EXTL3: variants seen among roughly 807,000 people sequenced by gnomAD.
EXTL3 encodes exostosin like glycosyltransferase 3, also known as exostosin-like 3.
A neutral mutation model predicts 69.3 loss-of-function variants in EXTL3; 27 were observed. The ratio of observed to expected loss-of-function variants is 0.39; its 90% CI spans 0.29 to 0.54. EXTL3 has a LOEUF of 0.54. Among genes scored for constraint, EXTL3 ranks in the 20% least tolerant of loss-of-function variants. EXTL3 has a pLI of 0.69. For synonymous variants in EXTL3, 511 were observed against 499.4 expected (o/e 1.02, Z -0.31); for missense variants, 1,003 against 1,231.8 (o/e 0.81, Z 2.78).
At chr8:28,732,225 G>T (rs1308543710) in intron 4 of EXTL3, among the ~76,000 whole-genome samples, 1 of 152,138 alleles carries the variant, frequency 6.6e-6, no homozygotes, top group Non-Finnish European at 1.5e-5. Flanking sequence ...GCTACTCCAG[G>T]TATCTCAGGG....
intron 4 of EXTL3, among the ~76,000 whole-genome samples, chr8:28,736,557 CT>C (rs1351740081): frequency 6.6e-6 from 1 of 152,118 alleles, no homozygotes; most frequent in Non-Finnish European, 1.5e-5. Context: ...TTAATGAAAC[CT>C]TTCAGTTGTA....
intron 1 of EXTL3, among the ~76,000 whole-genome samples, chr8:28,708,521 A>C (rs770924152): frequency 1.8e-4 from 28 of 151,904 alleles, no homozygotes; most frequent in Admixed American, 3.3e-4. Context: ...GACTTCACGA[A>C]CTAGGTACTG....
chr8:28,715,972 A>T lies in EXTL3; in HGVS notation c.-88A>T. ...ACACTAACTCTTCTGGAAACGTGTC[A>T]GTGAAACAGAGATCGTTTTGTGGAA... On this transcript the variant is annotated 5_prime_UTR_variant, in exon 3 of 7. Transcript: ENST00000220562. 2 of 1,068,450 alleles carry T rather than the reference A, an allele frequency of 1.9e-6. No homozygotes were observed. The highest frequency in any genetic ancestry group is 2.8e-6 in the Non-Finnish European group (2 of 723,578). The allele number at this position is 1,068,450 out of a possible 1,614,324, so 66.2% of individuals were successfully genotyped here.
intron 2 of EXTL3, among the ~76,000 whole-genome samples, chr8:28,714,276 C>T (rs563526437): frequency 3.9e-5 from 6 of 151,952 alleles, no homozygotes; most frequent in South Asian, 4.2e-4. Flanking sequence ...TCCAATGTTA[C>T]GATGAAATAA....
chr8:28,717,972 C>T lies in EXTL3; in HGVS notation c.1913C>T (p.Pro638Leu). 1 of 1,614,146 alleles carries T rather than the reference C, an allele frequency of 6.2e-7. No homozygotes were observed. Among genetic ancestry groups the T allele is most frequent in the Non-Finnish European group, 8.5e-7 (1 of 1,180,026 alleles). The change falls in exon 3 of 7, where the codon CCT becomes CTT. Residue 638 changes from proline to leucine, a missense_variant. Pro to Leu is a moderately conservative substitution (Grantham distance 98). This residue lies in a region of EXTL3 where 261 missense variants were observed against 416.4 expected (regional missense o/e 0.63). Coordinates refer to ENST00000220562, the MANE Select transcript of EXTL3 (RefSeq NM_001440.4). The surrounding 1 kb of genome is among the most constrained non-coding windows in gnomAD (Gnocchi z 8.3). ...KFLGSGTGFR[P>L]IGGGAGGSGK... The stretch of plus-strand genomic sequence containing the variant: ...TTGGGCTCAGGGACTGGCTTTCGGC[C>T]TATTGGTGGTGGAGCTGGGGGTTCT...
intron 1 of EXTL3, among the ~76,000 whole-genome samples, chr8:28,685,403 C>G (rs1807560749): frequency 6.6e-6 from 1 of 151,800 alleles, no homozygotes; most frequent in Non-Finnish European, 1.5e-5. Flanking sequence ...CCTTCCTCCC[C>G]CCTCCCCTTC....
intron 1 of EXTL3, among the ~76,000 whole-genome samples, chr8:28,685,581 G>A (rs953858993): frequency 3.3e-5 from 5 of 152,002 alleles, no homozygotes; most frequent in African/African-American, 7.2e-5. Context: ...TCCTGCCTCC[G>A]CTTCCTAAAG....
At chr8:28,632,053 G>A (rs934220766) in intron 1 of EXTL3, among the ~76,000 whole-genome samples, 2 of 150,882 alleles carry the variant, frequency 1.3e-5, no homozygotes, top group Admixed American at 6.6e-5. Flanking sequence ...GAGCCACTGC[G>A]CTGCACTCCG....
chr8:28,708,314 G>A (rs1245205745), intron 1 of EXTL3, among the ~76,000 whole-genome samples: 4 of 152,176 alleles, frequency 2.6e-5, no homozygotes, highest in South Asian at 4.1e-4. Context: ...AAACCACTGT[G>A]GTCGTTGGAT....
At chr8:28,661,070 C>T (rs147477854) in intron 1 of EXTL3, among the ~76,000 whole-genome samples, 3,951 of 151,556 alleles carry the variant, frequency 0.026, 127 homozygotes, top group African/African-American at 0.074. Context: ...CCTGCCACCA[C>T]GCCAGGCTAA....
chr8:28,681,128 C>T (rs1387176964), intron 1 of EXTL3, among the ~76,000 whole-genome samples: 1 of 151,940 alleles, frequency 6.6e-6, no homozygotes, highest in East Asian at 1.9e-4. Context: ...CCCACCTCGG[C>T]CTCCCACAGT....
At chr8:28,655,881 C>A (rs1807002135) in intron 1 of EXTL3, among the ~76,000 whole-genome samples, 1 of 152,118 alleles carries the variant, frequency 6.6e-6, no homozygotes, top group Non-Finnish European at 1.5e-5. Context: ...TCAACCTGGT[C>A]ATGATGGCGG....
intron 1 of EXTL3, among the ~76,000 whole-genome samples, chr8:28,703,206 C>T (rs568659515): frequency 2.4e-4 from 37 of 152,218 alleles, no homozygotes; most frequent in Admixed American, 9.2e-4. Flanking sequence ...TTCAGACTTC[C>T]GGAAACGTGC....
At chr8:28,619,204 G>C (rs1301748077), upstream of EXTL3, among the ~76,000 whole-genome samples, 1 of 129,270 alleles carries the variant, frequency 7.7e-6, no homozygotes, top group African/African-American at 2.8e-5. Flanking sequence ...CCTTCTCAAG[G>C]CCCACCTGGA....
intron 1 of EXTL3, among the ~76,000 whole-genome samples, chr8:28,679,600 G>A (rs766138141): frequency 4.6e-5 from 7 of 152,020 alleles, no homozygotes; most frequent in East Asian, 3.9e-4. Flanking sequence ...GCTAGGTGTC[G>A]TGAGGCACTC....
At chr8:28,683,371 T>G (rs1243838674) in intron 1 of EXTL3, among the ~76,000 whole-genome samples, 1 of 152,200 alleles carries the variant, frequency 6.6e-6, no homozygotes, top group Non-Finnish European at 1.5e-5. Flanking sequence ...AATTTTTCCA[T>G]TCAATGAACA....
chr8:28,612,870 C>T (rs1806289573), intron 2 of EXTL3, among the ~76,000 whole-genome samples: 1 of 152,140 alleles, frequency 6.6e-6, no homozygotes, highest in Non-Finnish European at 1.5e-5. Context: ...AGTCACACAC[C>T]ACCATGCCTG....
chr8:28,609,386 T>C (rs185283596), intron 2 of EXTL3, among the ~76,000 whole-genome samples: 7 of 150,556 alleles, frequency 4.6e-5, no homozygotes, highest in African/African-American at 2.4e-5. Flanking sequence ...AAGTGGAGAG[T>C]GGACTTGGGT....
intron 4 of EXTL3, among the ~76,000 whole-genome samples, chr8:28,731,883 AATG>A (rs111755341): frequency 3.3e-5 from 5 of 151,680 alleles, no homozygotes; most frequent in African/African-American, 4.8e-5. Context: ...AGGTGGTGGT[AATG>A]ATGATGATGA....
Sources: gnomAD v4.1 joint callset for allele counts (sites outside exome capture counted in the v4.1 genomes callset) on GRCh38, gnomAD v4.1.1 for gene constraint, gnomAD v4.1.1 regional missense constraint, Gnocchi (gnomAD v3.1) non-coding constraint, MANE v1.5 for transcripts, NCBI Gene and HGNC (gene_info 2026-07-23, HGNC 2026-07-21) for gene names.